Variants in PCMT1 observed in about 807,000 individuals in gnomAD.
PCMT1 encodes protein-L-isoaspartate(D-aspartate) O-methyltransferase.
In PCMT1, 9 loss-of-function variants were observed where a neutral mutation model predicts 29.2. That is an observed-to-expected ratio of 0.31 (90% CI 0.19 to 0.54). The LOEUF is 0.54. Ranked by LOEUF, PCMT1 falls within the 20% of genes least tolerant of loss-of-function variation. The pLI, the probability that PCMT1 is intolerant of heterozygous loss-of-function variation, is 0.95. For missense variants in PCMT1, 184 were observed against 282.2 expected (o/e 0.65, Z 2.49); for synonymous variants, 98 against 97.5 (o/e 1.00, Z -0.03).
rs761391874 is a variant in PCMT1, at chr6:149,789,984, C to A, written c.223C>A (p.Gln75Lys). The A allele has an allele frequency of 6.2e-7, 1 of 1,608,926 alleles. No individual in the cohort carries two copies. The highest frequency in any genetic ancestry group is 1.1e-5 in the South Asian group (1 of 89,640). ...ATATGCGCTAGAACTTCTATTTGAT[C>A]AGTTGCATGAAGGAGCTAAAGCTCT... is the stretch of plus-strand genomic sequence containing the variant. ...HAYALELLFD[Q>K]LHEGAKALDV... is the part of the protein sequence containing the mutation. Residue 75 changes from glutamine (Q) to lysine (K), a missense_variant, in exon 4 of 8, where the codon CAG becomes AAG. Coordinates refer to ENST00000464889, the MANE Select transcript of PCMT1 (RefSeq NM_001360452.2).
chr6:149,790,154 T>C (rs962214791), intron 4 of PCMT1, 96 bp downstream of exon 4: 1 of 734,966 alleles, frequency 1.4e-6, no homozygotes, highest in African/African-American at 1.8e-5. Context: ...TTTATTTGTT[T>C]GTTAATTCTA....
intron 6 of PCMT1, among the ~76,000 whole-genome samples, chr6:149,798,667 C>G (rs1788708524): frequency 6.6e-6 from 1 of 152,158 alleles, no homozygotes; most frequent in African/African-American, 2.4e-5. Context: ...CTGAACTCCA[C>G]AGTGTGTGAA....
At chr6:149,790,983 GCAACAA>G (rs370536400) in intron 4 of PCMT1, among the ~76,000 whole-genome samples, 4 of 151,968 alleles carry the variant, frequency 2.6e-5, no homozygotes, top group South Asian at 2.1e-4. Context: ...TCCAGCCTGG[GCAACAA>G]CAACAACAAC....
chr6:149,764,448 T>G (rs1394815482), intron 1 of PCMT1, among the ~76,000 whole-genome samples: 1 of 152,050 alleles, frequency 6.6e-6, no homozygotes, highest in Non-Finnish European at 1.5e-5. Flanking sequence ...TTTTAAAACT[T>G]TAAAAAAAAA....
intron 2 of PCMT1, 121 bp from the exon 3 acceptor site, chr6:149,773,016 GA>G (rs373290909): frequency 0.17 from 70,429 of 417,806 alleles, 3 homozygotes; most frequent in East Asian, 0.2. Context: ...GACTGTCTCA[GA>G]AAAAAAAAAA....
chr6:149,779,250 CAT>C (rs765163255), intron 3 of PCMT1, among the ~76,000 whole-genome samples: 17 of 74,046 alleles, frequency 2.3e-4, no homozygotes, highest in Middle Eastern at 7.2e-3. Context: ...GGATGTAAAA[CAT>C]ATGGTGTAAC....
intron 1 of PCMT1, among the ~76,000 whole-genome samples, chr6:149,750,845 A>G (rs1786285643): frequency 6.6e-6 from 1 of 152,174 alleles, no homozygotes; most frequent in Admixed American, 6.6e-5. Context: ...GGGAGACTAC[A>G]AGGGCCGCAG....
At chr6:149,786,404 C>G (rs1181226988) in intron 3 of PCMT1, among the ~76,000 whole-genome samples, 1 of 126,254 alleles carries the variant, frequency 7.9e-6, no homozygotes, top group African/African-American at 3.2e-5. Context: ...GGTGGCTGGC[C>G]GGGCGGGGGC....
At chr6:149,809,011 T>C (rs974543016) in intron 7 of PCMT1, among the ~76,000 whole-genome samples, 1 of 149,688 alleles carries the variant, frequency 6.7e-6, no homozygotes, top group African/African-American at 2.4e-5. Flanking sequence ...TCCCAGCACT[T>C]TGGGAGGCTG....
chr6:149,771,131 C>T (rs758015140), intron 1 of PCMT1, 31 bp from the exon 2 acceptor site: 6 of 1,242,760 alleles, frequency 4.8e-6, no homozygotes, highest in Non-Finnish European at 7.1e-6. Context: ...ATGTCTCTCT[C>T]TTCTGAAAAT....
chr6:149,754,017 A>T (rs781229184), intron 1 of PCMT1, among the ~76,000 whole-genome samples: 9 of 152,224 alleles, frequency 5.9e-5, no homozygotes, highest in Non-Finnish European at 1.3e-4. Context: ...GAGAATTGAA[A>T]ATTATAAGGT....
chr6:149,758,368 G>T (rs1051808647), intron 1 of PCMT1, among the ~76,000 whole-genome samples: 2 of 131,624 alleles, frequency 1.5e-5, no homozygotes, highest in Admixed American at 1.7e-4. Context: ...ATGCTACCAC[G>T]CCTGGCTAAT....
intron 3 of PCMT1, among the ~76,000 whole-genome samples, chr6:149,778,939 A>C (rs935498075): frequency 2.6e-5 from 4 of 152,210 alleles, no homozygotes; most frequent in African/African-American, 4.8e-5. Context: ...ATAATCTGCA[A>C]ACAGTTTGAA....
chr6:149,755,188 T>A (rs1786461645), intron 1 of PCMT1, among the ~76,000 whole-genome samples: 1 of 152,134 alleles, frequency 6.6e-6, no homozygotes, highest in African/African-American at 2.4e-5. Flanking sequence ...GGAGGATCGC[T>A]TCAGTCCAGG....
chr6:149,793,780 C>T (rs2115319907), intron 5 of PCMT1, 111 bp downstream of exon 5: 1 of 893,032 alleles, frequency 1.1e-6, no homozygotes, highest in East Asian at 3.4e-5. Flanking sequence ...TTTACAATCA[C>T]TTTTAAGTAC....
intron 3 of PCMT1, among the ~76,000 whole-genome samples, chr6:149,787,014 T>G: frequency 8.0e-6 from 1 of 125,458 alleles, no homozygotes; most frequent in South Asian, 2.5e-4. Flanking sequence ...AGCGAGACTC[T>G]GTCTGCAATC....
chr6:149,751,054 C>T (rs1017045046), intron 1 of PCMT1, among the ~76,000 whole-genome samples: 5 of 152,162 alleles, frequency 3.3e-5, no homozygotes, highest in African/African-American at 1.2e-4. Flanking sequence ...CATTGGCTCA[C>T]GCCTGTAATG....
intron 1 of PCMT1, among the ~76,000 whole-genome samples, chr6:149,756,897 G>A (rs1211383769): frequency 6.6e-6 from 1 of 152,006 alleles, no homozygotes; most frequent in Admixed American, 6.6e-5. Context: ...GGTCATGCCT[G>A]TAATCCTAGC....
intron 1 of PCMT1, among the ~76,000 whole-genome samples, chr6:149,759,844 A>AT (rs1440424778): frequency 1.3e-5 from 2 of 152,034 alleles, no homozygotes; most frequent in South Asian, 2.1e-4. Flanking sequence ...GGCCCTCTTT[A>AT]TTTTTTTATT....
Sources: allele counts gnomAD v4.1 joint callset (sites outside exome capture counted in the v4.1 genomes callset), GRCh38; gene constraint gnomAD v4.1.1; transcripts MANE v1.5; gene names NCBI Gene and HGNC (gene_info 2026-07-23, HGNC 2026-07-21).